The following DMD variants were observed in gnomAD, a reference collection of about 807,000 sequenced individuals.
DMD encodes mutant dystrophin.
DMD carries 63 observed loss-of-function variants against 330.1 expected under a neutral mutation model. The ratio of observed to expected loss-of-function variants is 0.19; its 90% CI spans 0.16 to 0.24. The LOEUF (loss-of-function observed/expected upper bound fraction) is 0.24, where lower values mean the gene tolerates loss of function less well. DMD is among the 10% of genes least tolerant of loss of function. The probability of loss-of-function intolerance (pLI) is 1.00; values close to 1 mark genes in which losing one functional copy is unlikely to be tolerated. For missense variants in DMD, 3,344 were observed against 2,684.1 expected, an observed-to-expected ratio of 1.25 and a Z score of -5.43; for synonymous variants, 1,223 against 959.8, an observed-to-expected ratio of 1.27 and a Z score of -5.07.
At chrX:33,018,918 G>A (rs942319773) in intron 2 of DMD, among the ~76,000 whole-genome samples, 1 of 111,117 alleles carries the variant, frequency 9.0e-6, no homozygotes. Flanking sequence ...TTTAAAAAAC[G>A]TTTTTAAAAT....
At chrX:32,013,421 C>T (rs745984653) in intron 44 of DMD, among the ~76,000 whole-genome samples, 1 of 111,423 alleles carries the variant, frequency 9.0e-6, no homozygotes, top group African/African-American at 3.3e-5. Context: ...GCAAATCGTA[C>T]TTCAACTGTG....
intron 16 of DMD, among the ~76,000 whole-genome samples, chrX:32,551,776 C>G (rs1193444148): frequency 8.9e-6 from 1 of 111,783 alleles, no homozygotes; most frequent in Non-Finnish European, 1.9e-5. Flanking sequence ...ACAACCTCAG[C>G]AAAGTTTCAG....
rs116711312 is a variant in DMD, at chrX:31,867,571, C to G, written c.7098+7617G>C. Among the ~76,000 whole-genome samples, 800 of 110,828 alleles carry G rather than the reference C, an allele frequency of 7.2e-3. 5 individuals are homozygous for G. Among genetic ancestry groups the G allele is most frequent in the African/African-American group, 0.025 (762 of 30,543 alleles). The stretch of plus-strand genomic sequence containing the variant: ...TTGAAAAATTTCAAAGGATTTGTTC[C>G]TGCACCCTTGTAAAATGAAGGATGT... On this transcript the variant is annotated intron_variant, in intron 48 of 78. Transcript: ENST00000357033.
intron 7 of DMD, among the ~76,000 whole-genome samples, chrX:32,786,614 A>C (rs2075378840): frequency 8.9e-6 from 1 of 112,078 alleles, no homozygotes. Flanking sequence ...TATTTTCAAA[A>C]CATTTGGAAT....
chrX:31,926,937 T>G (rs936994318), intron 47 of DMD, among the ~76,000 whole-genome samples: 1 of 110,648 alleles, frequency 9.0e-6, no homozygotes, highest in African/African-American at 3.3e-5. Context: ...AGGGAGGGGG[T>G]CCGCTTTATT....
rs115512908 is a variant in DMD, at chrX:31,803,311, A to T, written c.7309+16664T>A. ...TCCACTGCAGCTGCAACTGCAGTGCAGGAAAATGGCGTGTGACTCCAGGCA... is the reference window on the plus strand; with the variant it reads ...TCCACTGCAGCTGCAACTGCAGTGCTGGAAAATGGCGTGTGACTCCAGGCA... On this transcript the variant is annotated intron_variant, in intron 50 of 78. Transcript: ENST00000357033. 6.6e-3 allele frequency among the ~76,000 whole-genome samples: 742 copies of T among 112,639 alleles called. 6 individuals carry two copies. The highest frequency in any genetic ancestry group is 0.023 in the African/African-American group (705 of 31,073).
intron 1 of DMD, among the ~76,000 whole-genome samples, chrX:33,134,704 G>A (rs1337251574): frequency 2.7e-5 from 3 of 111,402 alleles, no homozygotes; most frequent in African/African-American, 6.5e-5. Flanking sequence ...CGTTGTACTC[G>A]GTAAATATGT....
At chrX:31,911,256 A>C (rs16989945) in intron 47 of DMD, among the ~76,000 whole-genome samples, 4,495 of 111,965 alleles carry the variant, frequency 0.04, 230 homozygotes, top group African/African-American at 0.14. Context: ...TAGTTTTATC[A>C]CTGTTTGGAA....
chrX:32,162,743 T>A (rs187264457), intron 44 of DMD, among the ~76,000 whole-genome samples: 1 of 108,382 alleles, frequency 9.2e-6, no homozygotes, highest in African/African-American at 3.4e-5. Context: ...GCTAACTTTT[T>A]TTTTTTTTGT....
intron 1 of DMD, among the ~76,000 whole-genome samples, chrX:33,232,456 G>A (rs2052404473): frequency 9.0e-6 from 1 of 111,514 alleles, no homozygotes; most frequent in Admixed American, 9.6e-5. Flanking sequence ...ATTCTGTGTG[G>A]GAAAAAACGG....
chrX:33,011,870 G>T (rs956562743), intron 2 of DMD, among the ~76,000 whole-genome samples: 13 of 111,576 alleles, frequency 1.2e-4, no homozygotes, highest in Middle Eastern at 4.7e-3. Context: ...TAAAGAATTG[G>T]TTTTTTTGCT....
In DMD at chrX:32,418,972, C is replaced by CAAAAAAAAA. The variant is rs1160282195; in HGVS notation, c.4072-7068_4072-7060dup. The stretch of plus-strand genomic sequence containing the variant: ...TGGGTGACAGAGTGAGACTCTGTCT[C>CAAAAAAAAA]AAAAAAAAAAAAAAAAAAAAAAAAA... On this transcript the variant is annotated intron_variant, in intron 29 of 78. Transcript: ENST00000357033. 8.5e-3 allele frequency among the ~76,000 whole-genome samples: 115 copies of CAAAAAAAAA among 13,502 alleles called. 19 individuals carry two copies. The highest frequency in any genetic ancestry group is 0.024 in the African/African-American group (109 of 4,480). 11.7% of individuals were successfully genotyped at this position (13,502 alleles called of 115,157 possible). A position where few individuals can be genotyped will look rare whatever the true frequency, so the allele number is the denominator to read the frequency against.
intron 55 of DMD, among the ~76,000 whole-genome samples, chrX:31,553,435 G>A (rs1414150003): frequency 9.0e-6 from 1 of 110,693 alleles, no homozygotes; most frequent in African/African-American, 3.3e-5. Context: ...AAGTAATTGC[G>A]TTTTTTTTAC....
chrX:32,657,261 G>T (rs1160458830), intron 9 of DMD, among the ~76,000 whole-genome samples: 1 of 111,209 alleles, frequency 9.0e-6, no homozygotes, highest in South Asian at 3.7e-4. Flanking sequence ...TCAATGGAAG[G>T]TCAGAGAGAA....
chrX:32,409,437 A>G (rs1395016364), intron 30 of DMD, among the ~76,000 whole-genome samples: 1 of 111,392 alleles, frequency 9.0e-6, no homozygotes, highest in Non-Finnish European at 1.9e-5. Flanking sequence ...TTTTAGAAAA[A>G]CCAAGCAAAA....
At chrX:32,252,835 T>TATATATAAATATATATAA (rs2097278716) in intron 43 of DMD, among the ~76,000 whole-genome samples, 3 of 56,119 alleles carry the variant, frequency 5.3e-5, no homozygotes, top group African/African-American at 2.5e-4. Flanking sequence ...TATATATAAA[T>TATATATAAATATATATAA]ATATATAAAT....
In DMD at chrX:32,002,473, TC is replaced by T. The variant is rs201614871; in HGVS notation, c.6439-33960del. ...CCAAGGTTATGAAGGTAGCATATCA[TC>T]TTTACACCTAGCATTAGCTAAGTTT... On this transcript the variant is annotated intron_variant, in intron 44 of 78. Transcript: ENST00000357033. 4.6e-3 allele frequency among the ~76,000 whole-genome samples: 511 copies of T among 112,017 alleles called. 2 individuals carry two copies. The highest frequency in any genetic ancestry group is 0.015 in the African/African-American group (468 of 30,916).
At chrX:32,176,782 C>T (rs1040199129) in intron 44 of DMD, among the ~76,000 whole-genome samples, 2 of 111,083 alleles carry the variant, frequency 1.8e-5, no homozygotes, top group African/African-American at 6.5e-5. Flanking sequence ...GGTCACCTTT[C>T]GTCCTGACAT....
intron 11 of DMD, among the ~76,000 whole-genome samples, chrX:32,627,153 C>CG (rs1406944953): frequency 3.2e-5 from 2 of 62,002 alleles, no homozygotes; most frequent in Non-Finnish European, 5.4e-5. Context: ...TCCCCGCCCC[C>CG]CCCCCCGCCC....
Sources: allele counts gnomAD v4.1 joint callset (sites outside exome capture counted in the v4.1 genomes callset), GRCh38; gene constraint gnomAD v4.1.1; transcripts MANE v1.5; gene names NCBI Gene and HGNC (gene_info 2026-07-23, HGNC 2026-07-21).